WWC2: variants seen among roughly 807,000 people sequenced by gnomAD.
WWC2 encodes the protein protein WWC2.
In WWC2, 101 loss-of-function variants were observed where a neutral mutation model predicts 138.5. The observed-to-expected ratio is 0.73, with a 90% CI of 0.62 to 0.86. WWC2 has a LOEUF of 0.86. Ranked by LOEUF, WWC2 falls within the 40% of genes least tolerant of loss-of-function variation. WWC2 has a pLI of 0.00. For missense variants in WWC2, 1,420 were observed against 1,419.4 expected (o/e 1.00, Z -0.01); for synonymous variants, 558 against 538.4 (o/e 1.04, Z -0.50).
At chr4:183,255,057 G>A (rs2111344820) in intron 9 of WWC2, among the ~76,000 whole-genome samples, 1 of 152,340 alleles carries the variant, frequency 6.6e-6, no homozygotes, top group South Asian at 2.1e-4. Context: ...TTTTAGGAGA[G>A]TTGACTTCTG....
chr4:183,109,079 C>T (rs951581398), intron 1 of WWC2, among the ~76,000 whole-genome samples: 1 of 151,952 alleles, frequency 6.6e-6, no homozygotes, highest in African/African-American at 2.4e-5. Context: ...TCACACAAAA[C>T]GAAGTGATTT....
At chr4:183,312,249 T>G (rs1481500721) in intron 21 of WWC2, 92 bp from the exon 22 acceptor site, 3 of 1,549,566 alleles carry the variant, frequency 1.9e-6, no homozygotes, top group Non-Finnish European at 2.6e-6. Context: ...CCTCCTGACT[T>G]TAGTCCACAA....
intron 4 of WWC2, among the ~76,000 whole-genome samples, chr4:183,214,586 A>T (rs1435663545): frequency 6.6e-6 from 1 of 152,046 alleles, no homozygotes; most frequent in Non-Finnish European, 1.5e-5. Context: ...TGAGGTCGGG[A>T]GTTCGAGACC....
intron 6 of WWC2, 41 bp from the exon 7 acceptor site, chr4:183,248,673 A>C: frequency 6.6e-7 from 1 of 1,526,474 alleles, no homozygotes; most frequent in Non-Finnish European, 8.9e-7. Context: ...TTGCTGTCTT[A>C]CTTGTTAAGC....
At chr4:183,124,871 T>G (rs1258899131) in intron 1 of WWC2, among the ~76,000 whole-genome samples, 1 of 152,186 alleles carries the variant, frequency 6.6e-6, no homozygotes, top group African/African-American at 2.4e-5. Flanking sequence ...TACTTACAGT[T>G]TTGAATTCTT....
At chr4:183,295,788 C>T (rs1226725286) in intron 21 of WWC2, among the ~76,000 whole-genome samples, 3 of 151,874 alleles carry the variant, frequency 2.0e-5, no homozygotes, top group East Asian at 1.9e-4. Context: ...CCCAGGGTGC[C>T]GAGATCCCTG....
chr4:183,207,992 G>A lies in WWC2; in HGVS notation c.281G>A (p.Gly94Glu). Residue 94 changes from glycine (G) to glutamate (E), a missense_variant, in exon 3 of 23, where the codon GGG (glycine) becomes GAG (glutamate). Coordinates refer to ENST00000403733, the MANE Select transcript of WWC2 (RefSeq NM_024949.6). ...QIEDPRKQWR[G>E]EQEKMLKDYL... ...GAAGATCCAAGAAAACAATGGAGGG[G>A]GGAACAGGAGAAGATGCTCAAGGAC... The A allele has an allele frequency of 1.2e-6, 2 of 1,613,054 alleles. No homozygotes were observed. Among genetic ancestry groups the A allele is most frequent in the Non-Finnish European group, 1.7e-6 (2 of 1,179,384 alleles).
intron 22 of WWC2, 35 bp from the exon 23 acceptor site, chr4:183,315,628 T>A (rs774892436): frequency 1.3e-6 from 2 of 1,563,652 alleles, no homozygotes; most frequent in East Asian, 2.2e-5. Flanking sequence ...TTTAGCATCA[T>A]ATATAAGTCA....
rs1240810021 is a variant in WWC2, at chr4:183,125,060, G to A, written c.131+25438G>A. 2.0e-5 allele frequency among the ~76,000 whole-genome samples: 3 copies of A among 152,170 alleles called. No homozygotes were observed. In the East Asian group the frequency reaches 5.8e-4, roughly 29 times the overall value. Reference sequence around the variant, plus strand: ...GAGGGGACCCGGGGCTATGAGGGCTGCTTGTAATGTGTGGGACCGATGCAG... The same window carrying A: ...GAGGGGACCCGGGGCTATGAGGGCTACTTGTAATGTGTGGGACCGATGCAG... On this transcript the variant is annotated intron_variant, in intron 1 of 22. Coordinates refer to ENST00000403733, the MANE Select transcript of WWC2 (RefSeq NM_024949.6).
chr4:183,220,290 T>C (rs970791686), intron 4 of WWC2, among the ~76,000 whole-genome samples: 1 of 152,212 alleles, frequency 6.6e-6, no homozygotes, highest in African/African-American at 2.4e-5. Flanking sequence ...TAGTGAGCTA[T>C]TAAATAATTG....
At chr4:183,211,146 T>C (rs1735585348) in intron 4 of WWC2, among the ~76,000 whole-genome samples, 1 of 152,306 alleles carries the variant, frequency 6.6e-6, no homozygotes, top group Middle Eastern at 3.4e-3. Flanking sequence ...CTTTTATTAT[T>C]GACATCAACT....
At chr4:183,159,949 G>C (rs1039282806) in intron 1 of WWC2, among the ~76,000 whole-genome samples, 5 of 151,996 alleles carry the variant, frequency 3.3e-5, no homozygotes, top group Non-Finnish European at 7.4e-5. Flanking sequence ...TTTTGAGCAG[G>C]TATTGGAATG....
At chr4:183,109,048 T>A (rs1732143145) in intron 1 of WWC2, among the ~76,000 whole-genome samples, 1 of 152,202 alleles carries the variant, frequency 6.6e-6, no homozygotes, top group Non-Finnish European at 1.5e-5. Flanking sequence ...AAAAATAAAA[T>A]TTTAAAAGAC....
intron 1 of WWC2, among the ~76,000 whole-genome samples, chr4:183,172,556 G>GTTTTTTTTTTTTTTTTTTTTGTTTTTTTT: frequency 8.8e-6 from 1 of 113,054 alleles, no homozygotes; most frequent in Middle Eastern, 5.5e-3. Context: ...TATGTTTCTT[G>GTTTTTTTTTTTTTTTTTTTTGTTTTTTTT]TTTTTTTTTT....
intron 1 of WWC2, among the ~76,000 whole-genome samples, chr4:183,182,060 A>T (rs1734648290): frequency 6.6e-6 from 1 of 152,228 alleles, no homozygotes; most frequent in Non-Finnish European, 1.5e-5. Flanking sequence ...TTTATTTAAA[A>T]AACATAGCCT....
intron 6 of WWC2, among the ~76,000 whole-genome samples, chr4:183,246,404 A>G (rs191615828): frequency 3.8e-4 from 58 of 152,344 alleles, no homozygotes; most frequent in Non-Finnish European, 4.1e-4. Flanking sequence ...ACATTTAAAT[A>G]CCATATTTAA....
rs1425703547 is a variant in WWC2 at position 183,271,085 on chromosome 4, A to G, written c.2406A>G (p.Gly802=). The change falls in exon 16 of 23, where the codon GGA becomes GGG. Residue 802 remains glycine (G), a synonymous_variant. Transcript: ENST00000403733. Reference sequence around the variant, plus strand: ...GTTTTCTTTCACTTACATAGGCTGGAACTCAGATCAGCCTGGCAGATTTAC... The same window carrying G: ...GTTTTCTTTCACTTACATAGGCTGGGACTCAGATCAGCCTGGCAGATTTAC... ...SKHRREECLA[G]TQISLADLPF... 1.5e-5 allele frequency: 24 copies of G among 1,582,278 alleles called. No homozygotes were observed. Among genetic ancestry groups the G allele is most frequent in the Non-Finnish European group, 1.4e-5 (16 of 1,164,336 alleles).
At chr4:183,197,946 A>G (rs923459183) in intron 2 of WWC2, among the ~76,000 whole-genome samples, 4 of 152,148 alleles carry the variant, frequency 2.6e-5, no homozygotes, top group African/African-American at 7.2e-5. Flanking sequence ...TCTGATTTCT[A>G]TCACCATAGC....
chr4:183,126,257 A>G (rs992030671), intron 1 of WWC2, among the ~76,000 whole-genome samples: 6 of 152,176 alleles, frequency 3.9e-5, no homozygotes, highest in Non-Finnish European at 7.3e-5. Context: ...ACAAGTTATT[A>G]TTATGGATTG....
Sources: gnomAD v4.1 joint callset for allele counts (sites outside exome capture counted in the v4.1 genomes callset) on GRCh38, gnomAD v4.1.1 for gene constraint, MANE v1.5 for transcripts, NCBI Gene and HGNC (gene_info 2026-07-23, HGNC 2026-07-21) for gene names.